The following CATSPERE variants were observed in gnomAD, a reference collection of about 807,000 sequenced individuals.
The protein encoded by CATSPERE is cation channel sperm-associated auxiliary subunit epsilon.
CATSPERE carries 93 observed loss-of-function variants against 114.1 expected under a neutral mutation model. The ratio of observed to expected loss-of-function variants is 0.81; its 90% CI spans 0.69 to 0.97. The LOEUF is 0.97. Ranked by LOEUF, CATSPERE falls within the 50% of genes least tolerant of loss-of-function variation. The pLI, the probability that CATSPERE is intolerant of heterozygous loss-of-function variation, is 0.00. For synonymous variants in CATSPERE, 341 were observed against 384.1 expected (o/e 0.89, Z 1.31); for missense variants, 1,058 against 1,131.6 (o/e 0.93, Z 0.93).
At chr1:244,585,285 C>T (rs1478781375) in intron 13 of CATSPERE, among the ~76,000 whole-genome samples, 2 of 152,088 alleles carry the variant, frequency 1.3e-5, no homozygotes, top group Non-Finnish European at 2.9e-5. Flanking sequence ...TGTAAAGTAC[C>T]CAAAGCAATG....
At position 244,532,519 on chromosome 1, in the gene CATSPERE, T is replaced by C. The variant is rs565161810; in HGVS notation, c.536+13821T>C. ...GTTATGTGTTATGTTTCTCTTATCA[T>C]TTGGTTCAAGAAATATTTCAAATCC... On this transcript the variant is annotated intron_variant, in intron 8 of 21. Coordinates refer to ENST00000366534, the MANE Select transcript of CATSPERE (RefSeq NM_001130957.2). 3.9e-5 allele frequency among the ~76,000 whole-genome samples: 6 copies of C among 152,284 alleles called. No individual in the cohort carries two copies. The South Asian group carries it at 1.2e-3, about 32-fold the overall frequency.
At chr1:244,611,271 T>C (rs1274286813) in intron 19 of CATSPERE, among the ~76,000 whole-genome samples, 3 of 152,134 alleles carry the variant, frequency 2.0e-5, no homozygotes, top group East Asian at 1.9e-4. Flanking sequence ...ATACCTATTA[T>C]AAAGAGTACT....
intron 8 of CATSPERE, among the ~76,000 whole-genome samples, chr1:244,543,871 G>A (rs907025451): frequency 5.9e-5 from 9 of 151,890 alleles, no homozygotes; most frequent in African/African-American, 2.2e-4. Context: ...GGAAGCAAGA[G>A]GTGTCATATG....
rs113110725 is a variant in CATSPERE, at chr1:244,507,260, G to A, written c.429+8181G>A. 2.7e-3 allele frequency among the ~76,000 whole-genome samples: 407 copies of A among 152,112 alleles called. 1 individual carries two copies. Among genetic ancestry groups the A allele is most frequent in the African/African-American group, 9.1e-3 (379 of 41,518 alleles). Reference sequence around the variant, plus strand: ...TTGACATCCTGATTTCATTTCCTTTGGATAAATACCTAGTAGTGGGATTGC... The same window carrying A: ...TTGACATCCTGATTTCATTTCCTTTAGATAAATACCTAGTAGTGGGATTGC... On this transcript the variant is annotated intron_variant, in intron 7 of 21. Transcript: ENST00000366534.
intron 9 of CATSPERE, 82 bp downstream of exon 9, chr1:244,552,896 CAG>C (rs2148500809): frequency 1.4e-6 from 1 of 720,816 alleles, no homozygotes; most frequent in East Asian, 4.3e-5. Flanking sequence ...CAGTGATAAA[CAG>C]AGACTTACTA....
At chr1:244,496,216 C>T (rs1005419258) in intron 6 of CATSPERE, among the ~76,000 whole-genome samples, 1 of 152,170 alleles carries the variant, frequency 6.6e-6, no homozygotes, top group Non-Finnish European at 1.5e-5. Flanking sequence ...ACCTTTACTC[C>T]TGCTTTAAAA....
chr1:244,511,638 T>C (rs1170139299), intron 7 of CATSPERE, among the ~76,000 whole-genome samples: 3 of 152,222 alleles, frequency 2.0e-5, no homozygotes, highest in Non-Finnish European at 2.9e-5. Context: ...GTTATTGATA[T>C]ACCATTGAGT....
At chr1:244,457,608 T>C (rs1666273978), upstream of CATSPERE, 1 of 152,192 alleles carries the variant, frequency 6.6e-6, no homozygotes, top group Non-Finnish European at 1.5e-5. Context: ...TTTCTTTTTC[T>C]TTAAATTGTT....
At chr1:244,613,952 G>A (rs922732817) in intron 19 of CATSPERE, among the ~76,000 whole-genome samples, 5 of 152,094 alleles carry the variant, frequency 3.3e-5, no homozygotes, top group Admixed American at 6.6e-5. Flanking sequence ...GAGTGGGACC[G>A]GCAGTTTTAT....
intron 9 of CATSPERE, among the ~76,000 whole-genome samples, chr1:244,553,273 T>C (rs567355730): frequency 6.6e-6 from 1 of 152,114 alleles, no homozygotes; most frequent in South Asian, 2.1e-4. Context: ...TTAAAAATAT[T>C]GTTGCTGGCC....
intron 7 of CATSPERE, among the ~76,000 whole-genome samples, chr1:244,511,252 T>C (rs1424500287): frequency 2.6e-5 from 4 of 152,208 alleles, no homozygotes; most frequent in Non-Finnish European, 5.9e-5. Context: ...ACTTAAAGTC[T>C]GTTTTACCTA....
At position 244,552,334 on chromosome 1, in the gene CATSPERE, T is replaced by TGTA; in HGVS notation, c.553_555dup (p.Val185dup). The TGTA allele has an allele frequency of 6.2e-7, 1 of 1,609,970 alleles. No homozygotes were observed. Among genetic ancestry groups the TGTA allele is most frequent in the Non-Finnish European group, 8.5e-7 (1 of 1,177,956 alleles). On this transcript the variant is annotated inframe_insertion, in exon 9 of 22. Coordinates refer to ENST00000366534, the MANE Select transcript of CATSPERE (RefSeq NM_001130957.2). Reference sequence around the variant, plus strand: ...TTTCTCTTCTTAGGACCTGGCGTATTGTAGTACCAATGACAAAAGATGATG... The same window carrying TGTA: ...TTTCTCTTCTTAGGACCTGGCGTATTGTAGTAGTACCAATGACAAAAGATGATG...
intron 17 of CATSPERE, among the ~76,000 whole-genome samples, chr1:244,603,171 C>T (rs886542353): frequency 9.2e-5 from 14 of 152,096 alleles, no homozygotes; most frequent in Non-Finnish European, 1.5e-5. Context: ...TAGGCAGGGG[C>T]TCCTGGAAGA....
Position 244,461,474 on chromosome 1 carries a change from C to T in CATSPERE, c.45C>T (p.Cys15=). ...CCGTGCTGCTGCTGTGGCTGAGCTG[C>T]TATGGCTCCGCCCTTTGGAGGTAGA... The part of the protein sequence containing the change: ...EVAVLLLWLS[C]YGSALWRYST... The change falls in exon 1 of 22, where the codon TGC becomes TGT. Residue 15 remains cysteine, a synonymous_variant. Transcript: ENST00000366534. The T allele has an allele frequency of 7.4e-7, 1 of 1,345,082 alleles. No individual in the cohort carries two copies. Among genetic ancestry groups the T allele is most frequent in the Non-Finnish European group, 9.6e-7 (1 of 1,041,520 alleles). The allele number at this position is 1,345,082 out of a possible 1,614,324, so 83.3% of individuals were successfully genotyped here.
intron 8 of CATSPERE, among the ~76,000 whole-genome samples, chr1:244,542,797 G>T (rs1223496797): frequency 1.3e-5 from 2 of 152,052 alleles, no homozygotes; most frequent in Non-Finnish European, 2.9e-5. Context: ...CCTAGCCTTA[G>T]ATCCCAGCAT....
chr1:244,583,225 A>G (rs1159181452), intron 12 of CATSPERE, among the ~76,000 whole-genome samples: 1 of 151,978 alleles, frequency 6.6e-6, no homozygotes, highest in Non-Finnish European at 1.5e-5. Context: ...TTTTTTGACA[A>G]AAAAAACCTT....
At chr1:244,612,510 G>T (rs1239720162) in intron 19 of CATSPERE, among the ~76,000 whole-genome samples, 1 of 152,186 alleles carries the variant, frequency 6.6e-6, no homozygotes, top group Non-Finnish European at 1.5e-5. Flanking sequence ...AAGGTTGGAG[G>T]TTGAGAAGGA....
At chr1:244,542,791 G>A (rs373839573) in intron 8 of CATSPERE, among the ~76,000 whole-genome samples, 1 of 152,006 alleles carries the variant, frequency 6.6e-6, no homozygotes, top group East Asian at 1.9e-4. Flanking sequence ...ACCTCACCTA[G>A]CCTTAGATCC....
rs1216660878 is a variant in CATSPERE at position 244,568,377 on chromosome 1, G to A, written c.1508-3953G>A. On this transcript the variant is annotated intron_variant, in intron 10 of 21. Coordinates refer to ENST00000366534, the MANE Select transcript of CATSPERE (RefSeq NM_001130957.2). The surrounding 1 kb of genome is among the most constrained non-coding windows in gnomAD (Gnocchi z 4.4). Reference sequence around the variant, plus strand: ...TTAGCAGAGCTTGAGGGCTGTGCTCGGAGACCCACTGCTTCTTCAGAGCTG... The same window carrying A: ...TTAGCAGAGCTTGAGGGCTGTGCTCAGAGACCCACTGCTTCTTCAGAGCTG... Among the ~76,000 whole-genome samples the A allele has an allele frequency of 1.3e-5, 2 of 152,194 alleles. No homozygotes were observed. The highest frequency in any genetic ancestry group is 2.1e-4 in the South Asian group (1 of 4,830).
Sources: allele counts gnomAD v4.1 joint callset (sites outside exome capture counted in the v4.1 genomes callset), GRCh38; gene constraint gnomAD v4.1.1; non-coding constraint Gnocchi (gnomAD v3.1); transcripts MANE v1.5; gene names NCBI Gene and HGNC (gene_info 2026-07-23, HGNC 2026-07-21).